Variants in MRTFA observed in about 807,000 individuals in gnomAD.
MRTFA encodes the protein myocardin-related transcription factor A.
A neutral mutation model predicts 83.5 loss-of-function variants in MRTFA; 20 were observed. The ratio of observed to expected loss-of-function variants is 0.24; its 90% CI spans 0.17 to 0.35. The LOEUF (loss-of-function observed/expected upper bound fraction) is 0.35, where lower values mean the gene tolerates loss of function less well. Among genes scored for constraint, MRTFA ranks in the 10% least tolerant of loss-of-function variants. The pLI is 1.00. For missense variants in MRTFA, 1,200 were observed against 1,224.7 expected, an observed-to-expected ratio of 0.98 and a Z score of 0.30; for synonymous variants, 659 against 541.2, an observed-to-expected ratio of 1.22 and a Z score of -3.02.
intron 14 of MRTFA, among the ~76,000 whole-genome samples, chr22:40,413,793 C>T (rs2052616446): frequency 6.6e-6 from 1 of 152,128 alleles, no homozygotes; most frequent in Non-Finnish European, 1.5e-5. Context: ...AGGACTTGGC[C>T]ATTCTCCAAT....
At chr22:40,498,383 G>A (rs1308190667) in intron 3 of MRTFA, among the ~76,000 whole-genome samples, 1 of 141,642 alleles carries the variant, frequency 7.1e-6, no homozygotes, top group Non-Finnish European at 1.5e-5. Flanking sequence ...CTCCTGGGCT[G>A]AGATGATCCT....
At chr22:40,586,876 T>C (rs1602464824) in intron 2 of MRTFA, 1 of 416,400 alleles carries the variant, frequency 2.4e-6, no homozygotes, top group East Asian at 8.1e-5. Context: ...TCATCTGATT[T>C]GGCCTCTAGT....
intron 3 of MRTFA, among the ~76,000 whole-genome samples, chr22:40,512,236 A>G (rs1407126776): frequency 1.3e-5 from 2 of 152,240 alleles, no homozygotes; most frequent in African/African-American, 4.8e-5. Context: ...TGTCCTCAAA[A>G]AAGTTGTTTT....
chr22:40,484,930 G>T (rs994884866), intron 3 of MRTFA, among the ~76,000 whole-genome samples: 2 of 152,094 alleles, frequency 1.3e-5, no homozygotes, highest in African/African-American at 4.8e-5. Flanking sequence ...GATTAGCTGG[G>T]CATGGTGGCA....
intron 2 of MRTFA, among the ~76,000 whole-genome samples, chr22:40,553,657 G>A (rs949966667): frequency 6.6e-6 from 1 of 152,182 alleles, no homozygotes; most frequent in Non-Finnish European, 1.5e-5. Context: ...TGCTACAGGG[G>A]TACAGCTCTC....
chr22:40,558,275 G>A (rs555439081), intron 2 of MRTFA, among the ~76,000 whole-genome samples: 22 of 17,566 alleles, frequency 1.3e-3, no homozygotes, highest in African/African-American at 5.5e-3. Flanking sequence ...TTTTTTTTTT[G>A]CAAGGGGTTG....
intron 1 of MRTFA, among the ~76,000 whole-genome samples, chr22:40,620,610 GA>G: frequency 6.6e-6 from 1 of 151,958 alleles, no homozygotes; most frequent in East Asian, 1.9e-4. Context: ...TCACTGTTAA[GA>G]AAAGCATGCT....
chr22:40,467,942 A>C (rs1442864045), intron 3 of MRTFA, among the ~76,000 whole-genome samples: 6 of 152,206 alleles, frequency 3.9e-5, no homozygotes, highest in African/African-American at 2.4e-5. Context: ...GTGGTGAATC[A>C]ACTGAGTTGC....
intron 2 of MRTFA, among the ~76,000 whole-genome samples, chr22:40,586,328 G>C (rs2056027997): frequency 6.7e-6 from 1 of 149,776 alleles, no homozygotes. Context: ...TCACTGGAAT[G>C]CGAAGCACAA....
chr22:40,462,072 C>T (rs528755411), intron 4 of MRTFA, among the ~76,000 whole-genome samples: 35 of 152,142 alleles, frequency 2.3e-4, no homozygotes, highest in Non-Finnish European at 4.4e-4. Context: ...CAAATCTTTC[C>T]TCTTCAGTGA....
At chr22:40,564,619 C>T (rs1361984303) in intron 2 of MRTFA, among the ~76,000 whole-genome samples, 3 of 152,010 alleles carry the variant, frequency 2.0e-5, no homozygotes, top group Non-Finnish European at 4.4e-5. Context: ...TTAGAAGAAG[C>T]TCAATAATGC....
intron 3 of MRTFA, among the ~76,000 whole-genome samples, chr22:40,493,553 T>A (rs141096574): frequency 6.6e-6 from 1 of 151,984 alleles, no homozygotes; most frequent in African/African-American, 2.4e-5. Flanking sequence ...AAAAGGAAAA[T>A]GAAAGAGGAA....
At chr22:40,556,730 G>A (rs2055530545) in intron 2 of MRTFA, among the ~76,000 whole-genome samples, 1 of 152,138 alleles carries the variant, frequency 6.6e-6, no homozygotes, top group Non-Finnish European at 1.5e-5. Context: ...TTTGAACCAT[G>A]TCTCTGTGTG....
chr22:40,492,880 C>G lies in MRTFA; in HGVS notation c.242-29594G>C, dbSNP rs75882385. On this transcript the variant is annotated intron_variant, in intron 3 of 14. Transcript: ENST00000355630. ...TGAAAAAACAAATGGACACTTCTCA[C>G]CAATTTGTAAACACTTTGCTGACAA... is the stretch of plus-strand genomic sequence containing the variant. Among the ~76,000 whole-genome samples, 3 of 152,166 alleles carry G rather than the reference C, an allele frequency of 2.0e-5. No homozygotes were observed. In the South Asian group the frequency reaches 6.2e-4, roughly 32 times the overall value.
chr22:40,420,412 T>C lies in MRTFA; in HGVS notation c.1346A>G (p.Asp449Gly). 2 of 1,613,266 alleles carry C rather than the reference T, an allele frequency of 1.2e-6. No individual in the cohort carries two copies. The highest frequency in any genetic ancestry group is 1.7e-6 in the Non-Finnish European group (2 of 1,179,772). Residue 449 changes from aspartate to glycine, a missense_variant, in exon 11 of 15, where the codon GAC becomes GGC. Physicochemically the swap from Asp to Gly is moderately conservative, Grantham distance 94. Coordinates refer to ENST00000355630, the MANE Select transcript of MRTFA (RefSeq NM_020831.6). Reference sequence around the variant, plus strand: ...TTTCCAGTGGCCATGTACCTTCATGTCGTCCAGGTTGGCCGGCAGGGCTCC... The same window carrying C: ...TTTCCAGTGGCCATGTACCTTCATGCCGTCCAGGTTGGCCGGCAGGGCTCC...
chr22:40,424,612 T>C (rs1490117045), intron 7 of MRTFA, among the ~76,000 whole-genome samples: 1 of 152,162 alleles, frequency 6.6e-6, no homozygotes, highest in Non-Finnish European at 1.5e-5. Context: ...GCTATCAGAG[T>C]GACCTCATGG....
intron 3 of MRTFA, among the ~76,000 whole-genome samples, chr22:40,482,850 C>T (rs1237641898): frequency 6.6e-6 from 1 of 152,014 alleles, no homozygotes; most frequent in African/African-American, 2.4e-5. Flanking sequence ...TTAAATTAGG[C>T]CAGGGACAGT....
intron 1 of MRTFA, among the ~76,000 whole-genome samples, chr22:40,636,119 G>A (rs2056695191): frequency 6.6e-6 from 1 of 152,228 alleles, no homozygotes; most frequent in East Asian, 1.9e-4. Context: ...CAAGACCCCA[G>A]AGAAAGCGGC....
intron 3 of MRTFA, among the ~76,000 whole-genome samples, chr22:40,537,016 G>C (rs1222761615): frequency 1.3e-5 from 1 of 75,916 alleles, no homozygotes; most frequent in South Asian, 3.7e-4. Context: ...GGGAGGTGGG[G>C]GGGGGTCAGC....
Sources: allele counts gnomAD v4.1 joint callset (sites outside exome capture counted in the v4.1 genomes callset), GRCh38; gene constraint gnomAD v4.1.1; transcripts MANE v1.5; gene names NCBI Gene and HGNC (gene_info 2026-07-23, HGNC 2026-07-21).